B3GALT1: variants seen among roughly 807,000 people sequenced by gnomAD.
B3GALT1 encodes UDP-Gal:betaGlcNAc beta 1,3-galactosyltransferase, polypeptide 1.
In B3GALT1, 10 loss-of-function variants were observed where a neutral mutation model predicts 23.2. The observed-to-expected ratio is 0.43, with a 90% CI of 0.27 to 0.73. The LOEUF (loss-of-function observed/expected upper bound fraction) is 0.73, where lower values mean the gene tolerates loss of function less well. Ranked by LOEUF, B3GALT1 falls within the 30% of genes least tolerant of loss-of-function variation. B3GALT1 has a pLI of 0.21. For synonymous variants in B3GALT1, 156 were observed against 141.5 expected (o/e 1.10, Z -0.73); for missense variants, 299 against 405.4 (o/e 0.74, Z 2.25).
chr2:167,586,385 C>T (rs1423885341), intron 2 of B3GALT1, among the ~76,000 whole-genome samples: 6 of 152,122 alleles, frequency 3.9e-5, no homozygotes, highest in East Asian at 1.9e-4. Context: ...CTGCAACCTC[C>T]GCCTCCAGGG....
chr2:167,728,611 A>G (rs1165680631), intron 3 of B3GALT1, among the ~76,000 whole-genome samples: 2 of 152,152 alleles, frequency 1.3e-5, no homozygotes, highest in Non-Finnish European at 2.9e-5. Context: ...GTAACTGTTG[A>G]CTTGTTTGGG....
chr2:167,663,787 C>T (rs1211255892), intron 3 of B3GALT1, among the ~76,000 whole-genome samples: 22 of 152,154 alleles, frequency 1.4e-4, no homozygotes, highest in East Asian at 1.4e-3. Context: ...TCATGTCCTT[C>T]GCCCACTTTT....
rs368531966 is a variant in B3GALT1, at chr2:167,735,142, C to T, written c.-351-83530C>T. 1.6e-4 allele frequency among the ~76,000 whole-genome samples: 25 copies of T among 152,250 alleles called. No individual in the cohort carries two copies. The South Asian group carries it at 2.9e-3, about 18-fold the overall frequency. ...GGAGCCAAGTGAAAGCAGGCTTAAG[C>T]GAAGCATTAAATCCCCCCTTCCAAT... On this transcript the variant is annotated intron_variant, in intron 3 of 4. Transcript: ENST00000392690.
At chr2:167,311,432 G>T (rs1386295659) in intron 1 of B3GALT1, among the ~76,000 whole-genome samples, 1 of 151,978 alleles carries the variant, frequency 6.6e-6, no homozygotes, top group African/African-American at 2.4e-5. Context: ...ATCAAGGAAA[G>T]ATTATATGAG....
intron 1 of B3GALT1, among the ~76,000 whole-genome samples, chr2:167,437,149 G>C (rs76921989): frequency 6.6e-6 from 1 of 152,060 alleles, no homozygotes; most frequent in African/African-American, 2.4e-5. Context: ...AGCATTTTCC[G>C]TACCAAAGTG....
chr2:167,772,742 G>C (rs1334137853), intron 3 of B3GALT1, among the ~76,000 whole-genome samples: 1 of 152,112 alleles, frequency 6.6e-6, no homozygotes, highest in African/African-American at 2.4e-5. Context: ...AAACATTTTA[G>C]CACTTTCAAA....
At chr2:167,745,255 T>C (rs886300901) in intron 3 of B3GALT1, among the ~76,000 whole-genome samples, 2 of 148,994 alleles carry the variant, frequency 1.3e-5, no homozygotes, top group African/African-American at 4.9e-5. Flanking sequence ...TTGAAACATG[T>C]AATGTAGATT....
In B3GALT1 at chr2:167,813,819, G is replaced by A. The variant is rs186000494; in HGVS notation, c.-351-4853G>A. Among the ~76,000 whole-genome samples, 286 of 152,262 alleles carry A rather than the reference G, an allele frequency of 1.9e-3. 1 individual carries two copies. The highest frequency in any genetic ancestry group is 5.5e-3 in the African/African-American group (230 of 41,570). On this transcript the variant is annotated intron_variant, in intron 3 of 4. Coordinates refer to ENST00000392690, the MANE Select transcript of B3GALT1 (RefSeq NM_020981.4). ...CTCTCTGAGTTTCTTAAAGATAATA[G>A]TATTTGCATACAGCAATTGGATATT...
At chr2:167,791,252 G>A (rs1479967258) in intron 3 of B3GALT1, among the ~76,000 whole-genome samples, 1 of 152,126 alleles carries the variant, frequency 6.6e-6, no homozygotes, top group East Asian at 1.9e-4. Flanking sequence ...TGAGTGGTAG[G>A]ATTCAGGCAG....
At chr2:167,321,859 A>G (rs933858841) in intron 1 of B3GALT1, among the ~76,000 whole-genome samples, 2 of 152,002 alleles carry the variant, frequency 1.3e-5, no homozygotes, top group Non-Finnish European at 2.9e-5. Context: ...CCCAACTCCC[A>G]TTCACTCCTC....
rs888377989 is a variant in B3GALT1, at chr2:167,871,899, T to A, written c.*1879T>A. 8.1e-6 allele frequency: 1 copy of A among 123,156 alleles called. No homozygotes were observed. Among genetic ancestry groups the A allele is most frequent in the Non-Finnish European group, 1.7e-5 (1 of 57,612 alleles). The allele number at this position is 123,156 out of a possible 1,614,324, so 7.6% of individuals were successfully genotyped here. On this transcript the variant is annotated 3_prime_UTR_variant, in exon 5 of 5. Coordinates refer to ENST00000392690, the MANE Select transcript of B3GALT1 (RefSeq NM_020981.4). ...CCTTTTTTATTTATTTACTTTTTTT[T>A]TTTTTTTTTTTTTTTTTTTTGAGAC...
chr2:167,504,279 A>G (rs1282715906), intron 2 of B3GALT1, among the ~76,000 whole-genome samples: 7 of 152,226 alleles, frequency 4.6e-5, no homozygotes, highest in Non-Finnish European at 1.0e-4. Flanking sequence ...ACTGTACAGA[A>G]CATTAAATTG....
chr2:167,490,670 C>T (rs116478406), intron 2 of B3GALT1, among the ~76,000 whole-genome samples: 1,655 of 152,248 alleles, frequency 0.011, 8 homozygotes, highest in Non-Finnish European at 0.018. Context: ...TGAGCAGCTC[C>T]AGGGCTGAAG....
At chr2:167,797,621 C>T (rs553543633) in intron 3 of B3GALT1, among the ~76,000 whole-genome samples, 18 of 152,190 alleles carry the variant, frequency 1.2e-4, no homozygotes, top group Non-Finnish European at 2.9e-5. Context: ...CCTTTTTCTT[C>T]GCAACCTCAC....
At chr2:167,695,085 A>G (rs190084916) in intron 3 of B3GALT1, among the ~76,000 whole-genome samples, 64 of 152,174 alleles carry the variant, frequency 4.2e-4, no homozygotes, top group African/African-American at 1.3e-3. Context: ...TTCATTTCTA[A>G]TCTTCTTATA....
At chr2:167,738,119 A>C (rs1687521470) in intron 3 of B3GALT1, among the ~76,000 whole-genome samples, 1 of 152,184 alleles carries the variant, frequency 6.6e-6, no homozygotes, top group Non-Finnish European at 1.5e-5. Context: ...CAGTAGTGCA[A>C]GCTCTCAGAT....
intron 1 of B3GALT1, among the ~76,000 whole-genome samples, chr2:167,367,702 T>G (rs567598281): frequency 4.6e-5 from 7 of 152,256 alleles, no homozygotes; most frequent in African/African-American, 1.7e-4. Flanking sequence ...AGACTGACCC[T>G]GAAGGAATTT....
chr2:167,813,130 A>G (rs1255312209), intron 3 of B3GALT1, among the ~76,000 whole-genome samples: 1 of 152,206 alleles, frequency 6.6e-6, no homozygotes, highest in African/African-American at 2.4e-5. Context: ...ATATGACAGT[A>G]CAGAAAATAA....
chr2:167,534,741 G>A (rs1683387011), intron 2 of B3GALT1, among the ~76,000 whole-genome samples: 1 of 152,138 alleles, frequency 6.6e-6, no homozygotes, highest in Non-Finnish European at 1.5e-5. Context: ...TTATATGAGG[G>A]GAGGGCACAG....
Sources: gnomAD v4.1 joint callset for allele counts (sites outside exome capture counted in the v4.1 genomes callset) on GRCh38, gnomAD v4.1.1 for gene constraint, MANE v1.5 for transcripts, NCBI Gene and HGNC (gene_info 2026-07-23, HGNC 2026-07-21) for gene names.